RASIP1: variants seen among roughly 807,000 people sequenced by gnomAD.
RASIP1 encodes the protein ras-interacting protein 1.
RASIP1 carries 20 observed loss-of-function variants against 85.3 expected under a neutral mutation model. The ratio of observed to expected loss-of-function variants is 0.23; its 90% CI spans 0.17 to 0.34. The LOEUF (loss-of-function observed/expected upper bound fraction) is 0.34. Among genes scored for constraint, RASIP1 ranks in the 10% least tolerant of loss-of-function variants. The pLI is 1.00. For synonymous variants in RASIP1, 617 were observed against 647.1 expected, an observed-to-expected ratio of 0.95 and a Z score of 0.71; for missense variants, 1,170 against 1,390.9, an observed-to-expected ratio of 0.84 and a Z score of 2.53.
intron 4 of RASIP1, 66 bp downstream of exon 4, chr19:48,735,130 T>C (rs2033545732): frequency 2.8e-6 from 4 of 1,424,428 alleles, no homozygotes; most frequent in African/African-American, 1.4e-5. Flanking sequence ...AGTTGTAGTT[T>C]TGTTGCTCAC....
rs1372953805 is a variant in RASIP1, at chr19:48,738,952, C to T, written c.823+8G>A. 1.7e-5 allele frequency: 21 copies of T among 1,213,742 alleles called. No individual in the cohort carries two copies. In the South Asian group the frequency reaches 7.1e-4, roughly 41 times the overall value. The allele number at this position is 1,213,742 out of a possible 1,614,324, so 75.2% of individuals were successfully genotyped here. A position where few individuals can be genotyped will look rare whatever the true frequency, so the allele number is the denominator to read the frequency against. On this transcript the variant is annotated splice_region_variant and intron_variant, in intron 3 of 11. Coordinates refer to ENST00000222145, the MANE Select transcript of RASIP1 (RefSeq NM_017805.3). The surrounding 1 kb of genome is among the most constrained non-coding windows in gnomAD (Gnocchi z 4.0). ...AGTCCCCGCCCCAGAGCCCCGCCCG[C>T]CGCTCACCTTCGCTGTCCGCGGCCC...
In RASIP1 at chr19:48,738,782, GC is replaced by G. The variant is rs1415170916; in HGVS notation, c.823+177del. On this transcript the variant is annotated intron_variant, in intron 3 of 11. Coordinates refer to ENST00000222145, the MANE Select transcript of RASIP1 (RefSeq NM_017805.3). The surrounding 1 kb of genome is among the most constrained non-coding windows in gnomAD (Gnocchi z 4.0). ...AGGCCCGCCCATCTGGCCGCCCCCG[GC>G]CCTGCTCTAGCTCTGCCTAGAGTCC... The G allele has an allele frequency of 1.2e-6, 1 of 821,366 alleles. No homozygotes were observed. Among genetic ancestry groups the G allele is most frequent in the Non-Finnish European group, 1.6e-6 (1 of 629,178 alleles). The allele number at this position is 821,366 out of a possible 1,614,324, so 50.9% of individuals were successfully genotyped here. A position where few individuals can be genotyped will look rare whatever the true frequency, so the allele number is the denominator to read the frequency against.
rs1352281600 is a variant in RASIP1, at chr19:48,740,465, C to T, written c.-5+56G>A. 1 of 1,397,640 alleles carries T rather than the reference C, an allele frequency of 7.2e-7. No homozygotes were observed. The highest frequency in any genetic ancestry group is 2.8e-5 in the East Asian group (1 of 35,730). The allele number at this position is 1,397,640 out of a possible 1,614,324, so 86.6% of individuals were successfully genotyped here. On this transcript the variant is annotated intron_variant, in intron 1 of 11. Transcript: ENST00000222145. This position sits in a 1 kb window ranked among gnomAD's most constrained non-coding sequence, Gnocchi z 5.5. ...CCTGGGATGGAAGATGGCTGGGGGA[C>T]TGAGTCTTGGGGCCCAGGGAGGAGG...
intron 4 of RASIP1, among the ~76,000 whole-genome samples, chr19:48,731,292 C>T (rs987544677): frequency 6.6e-6 from 1 of 152,002 alleles, no homozygotes; most frequent in Non-Finnish European, 1.5e-5. Flanking sequence ...AATCCCCCTT[C>T]CATCAATGGA....
rs774923735 is a variant in RASIP1, at chr19:48,727,100, G to A, written c.1930C>T (p.Arg644Trp). The A allele has an allele frequency of 6.2e-6, 10 of 1,614,082 alleles. No individual in the cohort carries two copies. The highest frequency in any genetic ancestry group is 2.2e-5 in the East Asian group (1 of 44,904). The change falls in exon 7 of 12, where the codon CGG becomes TGG. Residue 644 changes from arginine (R) to tryptophan (W), a missense_variant. Arg to Trp is a moderately radical substitution (Grantham distance 101). Transcript: ENST00000222145. ...LTPEAVSVEL[R>W]PLMLWMANTT... ...TTGGCCATCCACAGCATGAGTGGCC[G>A]CAGCTCCACAGACACAGCTTCAGGA...
intron 5 of RASIP1, among the ~76,000 whole-genome samples, chr19:48,727,995 C>A (rs942837377): frequency 2.6e-5 from 4 of 152,152 alleles, no homozygotes; most frequent in Non-Finnish European, 5.9e-5. Flanking sequence ...GCTCTTGAGA[C>A]AAATTCTAAT....
chr19:48,739,575 G>A lies in RASIP1; in HGVS notation c.208C>T (p.Arg70Trp). ...GCCGCCTTGACAGCGCCCACTCGCCGCAGCTCCACGTGCGGCGGGGGCGGA... is the reference window on the plus strand; with the variant it reads ...GCCGCCTTGACAGCGCCCACTCGCCACAGCTCCACGTGCGGCGGGGGCGGA... ...LPPPPPHVELRRVGAVKAAGG... is the reference protein window; with the variant it reads ...LPPPPPHVELWRVGAVKAAGG... Residue 70 changes from arginine (R) to tryptophan (W), a missense_variant, in exon 3 of 12, where the codon CGG becomes TGG. Physicochemically the swap from Arg to Trp is moderately radical, Grantham distance 101. Around this residue, in one of 4 missense-constraint regions of RASIP1, gnomAD observed 299 missense variants for 394.4 expected, o/e 0.76. Transcript: ENST00000222145. This position sits in a 1 kb window ranked among gnomAD's most constrained non-coding sequence, Gnocchi z 9.2. 6.7e-7 allele frequency: 1 copy of A among 1,496,618 alleles called. No individual in the cohort carries two copies. Among genetic ancestry groups the A allele is most frequent in the Non-Finnish European group, 8.9e-7 (1 of 1,126,368 alleles). The allele number at this position is 1,496,618 out of a possible 1,614,324, so 92.7% of individuals were successfully genotyped here.
In RASIP1 at chr19:48,740,261, C is replaced by G. The variant is rs941880305; in HGVS notation, c.22G>C (p.Glu8Gln). Residue 8 changes from glutamate to glutamine, a missense_variant, in exon 2 of 12, where the codon GAG (glutamate) becomes CAG (glutamine). Glu to Gln is a conservative substitution (Grantham distance 29). This residue lies in a region of RASIP1 where 299 missense variants were observed against 394.4 expected (regional missense o/e 0.76). Coordinates refer to ENST00000222145, the MANE Select transcript of RASIP1 (RefSeq NM_017805.3). This position sits in a 1 kb window ranked among gnomAD's most constrained non-coding sequence, Gnocchi z 5.5. Reference sequence around the variant, plus strand: ...TTCCCGAAGCGGGGGCTTCCGCCCTCCTTCCGTTCACCAGACAGCATGGCC... The same window carrying G: ...TTCCCGAAGCGGGGGCTTCCGCCCTGCTTCCGTTCACCAGACAGCATGGCC... MLSGERK[E>Q]GGSPRFGKLH... 4 of 1,588,666 alleles carry G rather than the reference C, an allele frequency of 2.5e-6. No individual in the cohort carries two copies. In the South Asian group the frequency reaches 4.5e-5, roughly 18 times the overall value.
At chr19:48,731,311 A>G (rs114177399) in intron 4 of RASIP1, among the ~76,000 whole-genome samples, 1,594 of 151,940 alleles carry the variant, frequency 0.01, 31 homozygotes, top group African/African-American at 0.036. Flanking sequence ...GATGTTCTCA[A>G]TATTCCTACA....
chr19:48,735,056 TG>T, intron 4 of RASIP1, 139 bp downstream of exon 4: 2 of 733,342 alleles, frequency 2.7e-6, no homozygotes, highest in Non-Finnish European at 4.4e-6. Context: ...ATCTCTACTC[TG>T]GAACCTTGAG....
At position 48,729,417 on chromosome 19, in the gene RASIP1, G is replaced by T. The variant is rs367811569; in HGVS notation, c.1353C>A (p.Arg451=). 23 of 1,558,194 alleles carry T rather than the reference G, an allele frequency of 1.5e-5. No homozygotes were observed. In the East Asian group the frequency reaches 2.2e-4, roughly 15 times the overall value. Residue 451 remains arginine (R), a synonymous_variant, in exon 5 of 12, where the codon CGC becomes CGA. Transcript: ENST00000222145. ...GCGTGACTGGGGCGCCCCGGGACGG[G>T]CGCACCATGGCCGGGTGCTCAGGGC... ...RAGPEHPAMV[R]PSRGAPVTHN... is the part of the protein sequence containing the mutation.
Position 48,739,650 on chromosome 19 carries a change from G to C in RASIP1, c.138-5C>G. ...CCCGTGTCCGACGAAGAAGACCTGG[G>C]AGTCCGCCGGGGAACAGAGTCGCGG... On this transcript the variant is annotated splice_region_variant and splice_polypyrimidine_tract_variant and intron_variant, in intron 2 of 11. Transcript: ENST00000222145. The surrounding 1 kb of genome is among the most constrained non-coding windows in gnomAD (Gnocchi z 9.2). The C allele has an allele frequency of 2.1e-6, 3 of 1,402,766 alleles. No homozygotes were observed. Among genetic ancestry groups the C allele is most frequent in the Non-Finnish European group, 1.9e-6 (2 of 1,077,770 alleles). The allele number at this position is 1,402,766 out of a possible 1,614,324, so 86.9% of individuals were successfully genotyped here. A position where few individuals can be genotyped will look rare whatever the true frequency, so the allele number is the denominator to read the frequency against.
At chr19:48,725,297 A>G (rs1256636978) in intron 8 of RASIP1, 2 of 224,214 alleles carry the variant, frequency 8.9e-6, no homozygotes, top group African/African-American at 4.6e-5. Context: ...AAAAGAATGG[A>G]GAGTCAGGAA....
intron 5 of RASIP1, among the ~76,000 whole-genome samples, 180 bp downstream of exon 5, chr19:48,728,757 G>A (rs1273773789): frequency 1.4e-5 from 2 of 146,008 alleles, no homozygotes; most frequent in African/African-American, 5.0e-5. Context: ...GCGAGACTCC[G>A]TCTCAAAAAC....
At position 48,729,307 on chromosome 19, in the gene RASIP1, T is replaced by C. The variant is rs755401951; in HGVS notation, c.1463A>G (p.Lys488Arg). ...GLGEHFLFMY[K>R]DPRTGGSGPA... is the part of the protein sequence containing the mutation. ...CCCCGAGCCCCCAGTGCGGGGGTCCTTGTACATGAACAGGAAGTGCTCGCC... is the reference window on the plus strand; with the variant it reads ...CCCCGAGCCCCCAGTGCGGGGGTCCCTGTACATGAACAGGAAGTGCTCGCC... Residue 488 changes from lysine (K) to arginine (R), a missense_variant, in exon 5 of 12, where the codon AAG becomes AGG. By Grantham distance (26) the Lys-to-Arg change is conservative. This residue lies in a region of RASIP1 where 426 missense variants were observed against 576.2 expected (regional missense o/e 0.74). Transcript: ENST00000222145. The C allele has an allele frequency of 1.9e-6, 3 of 1,557,054 alleles. No individual in the cohort carries two copies. In the African/African-American group the frequency reaches 4.1e-5, roughly 21 times the overall value.
chr19:48,726,205 G>C (rs1045593296), intron 8 of RASIP1, among the ~76,000 whole-genome samples: 1 of 152,064 alleles, frequency 6.6e-6, no homozygotes, highest in Non-Finnish European at 1.5e-5. Context: ...GATTACAGGC[G>C]TGAGCCACTG....
Position 48,739,611 on chromosome 19 carries a change from C to G in RASIP1, c.172G>C (p.Glu58Gln). 6.8e-7 allele frequency: 1 copy of G among 1,459,986 alleles called. No homozygotes were observed. 90.4% of individuals were successfully genotyped at this position (1,459,986 alleles called of 1,614,324 possible). The change falls in exon 3 of 12, where the codon GAG becomes CAG. Residue 58 changes from glutamate to glutamine, a missense_variant. By Grantham distance (29) the Glu-to-Gln change is conservative. Around this residue, in one of 4 missense-constraint regions of RASIP1, gnomAD observed 299 missense variants for 394.4 expected, o/e 0.76. Coordinates refer to ENST00000222145, the MANE Select transcript of RASIP1 (RefSeq NM_017805.3). This position sits in a 1 kb window ranked among gnomAD's most constrained non-coding sequence, Gnocchi z 9.2. ...SSSDTGSRSS[E>Q]PLPPPPPHVE... The stretch of plus-strand genomic sequence containing the variant: ...TGCGGCGGGGGCGGAGGTAGCGGCT[C>G]GCTGCTGCGGCTCCCCGTGTCCGAC...
chr19:48,735,578 C>T (rs1459467880), intron 3 of RASIP1, 27 bp from the exon 4 acceptor site: 1 of 1,496,282 alleles, frequency 6.7e-7, no homozygotes, highest in African/African-American at 1.4e-5. Flanking sequence ...AACAGTGAGG[C>T]TGAGCCTGGA....
chr19:48,724,678 CTG>C lies in RASIP1; in HGVS notation c.2371+37_2371+38del, dbSNP rs1350979507. 6 of 1,611,476 alleles carry C rather than the reference CTG, an allele frequency of 3.7e-6. No homozygotes were observed. Among genetic ancestry groups the C allele is most frequent in the Non-Finnish European group, 1.7e-6 (2 of 1,178,392 alleles). On this transcript the variant is annotated intron_variant, in intron 9 of 11. Transcript: ENST00000222145. The surrounding 1 kb of genome is among the most constrained non-coding windows in gnomAD (Gnocchi z 4.6). Reference sequence around the variant, plus strand: ...AATATGACCTGAGTCTCAGTGGCTCCTGTCTTTGCCTCCCTGACAGCTCCCAG... The same window carrying C: ...AATATGACCTGAGTCTCAGTGGCTCCTCTTTGCCTCCCTGACAGCTCCCAG...
Sources: allele counts gnomAD v4.1 joint callset (sites outside exome capture counted in the v4.1 genomes callset), GRCh38; gene constraint gnomAD v4.1.1; regional missense constraint gnomAD v4.1.1; non-coding constraint Gnocchi (gnomAD v3.1); transcripts MANE v1.5; gene names NCBI Gene and HGNC (gene_info 2026-07-23, HGNC 2026-07-21).